GBA1: variants seen among roughly 807,000 people sequenced by gnomAD.
The protein encoded by GBA1 is lysosomal acid glucosylceramidase.
chr1:155,237,452 T>G, the GBA1 span: 1 of 1,613,972 alleles, frequency 6.2e-7, no homozygotes, highest in Non-Finnish European at 8.5e-7. Context: ...CAATGAAGTC[T>G]CGCTGATGTT....
the GBA1 span, chr1:155,235,810 C>T: frequency 3.7e-6 from 6 of 1,614,226 alleles, no homozygotes; most frequent in Non-Finnish European, 4.2e-6. Flanking sequence ...GGCAAGGTTC[C>T]AGTCGGTCCA....
At chr1:155,235,476 A>G in the GBA1 span, 2 of 1,064,380 alleles carry the variant, frequency 1.9e-6, no homozygotes, top group East Asian at 2.6e-5. Flanking sequence ...GCTTTTCTGC[A>G]TCGCAGTCCA....
chr1:155,237,728 C>T, the GBA1 span: 2 of 1,501,404 alleles, frequency 1.3e-6, no homozygotes, highest in Non-Finnish European at 9.0e-7. Flanking sequence ...CTGGCGAAAC[C>T]CCGTCTCTAC....
the GBA1 span, chr1:155,238,356 C>A: frequency 6.6e-7 from 1 of 1,526,500 alleles, no homozygotes; most frequent in African/African-American, 1.4e-5. Flanking sequence ...GGAACACATA[C>A]TAGCCCAACC....
chr1:155,236,117 C>T, the GBA1 span: 7 of 870,350 alleles, frequency 8.0e-6, no homozygotes, highest in South Asian at 8.6e-5. Flanking sequence ...AATCATGGTT[C>T]CCCAGAGTTG....
the GBA1 span, chr1:155,241,288 C>A: frequency 3.0e-5 from 20 of 667,590 alleles, no homozygotes; most frequent in African/African-American, 9.0e-5. Flanking sequence ...TGACTAGGAG[C>A]GTCACATGAC....
At chr1:155,239,633 G>T in the GBA1 span, 1 of 1,614,190 alleles carries the variant, frequency 6.2e-7, no homozygotes, top group Non-Finnish European at 8.5e-7. Flanking sequence ...AGAGAAGTAC[G>T]ATTTAAGTAG....
chr1:155,235,847 A>G, the GBA1 span: 223 of 1,614,120 alleles, frequency 1.4e-4, no homozygotes, highest in Non-Finnish European at 1.7e-4. Context: ...AGGAGGTTCT[A>G]GGGTAAGGAC....
At chr1:155,242,972 C>T in the GBA1 span, among the ~76,000 whole-genome samples, 1 of 152,166 alleles carries the variant, frequency 6.6e-6, no homozygotes, top group African/African-American at 2.4e-5. Flanking sequence ...GTTTGACTTT[C>T]AATAAATCAA....
the GBA1 span, chr1:155,237,991 C>T: frequency 2.2e-6 from 2 of 891,076 alleles, no homozygotes; most frequent in African/African-American, 1.7e-5. Flanking sequence ...ATTGACAGGC[C>T]CAAGGCTGAA....
chr1:155,239,946 G>C, the GBA1 span: 1 of 1,614,108 alleles, frequency 6.2e-7, no homozygotes, highest in Non-Finnish European at 8.5e-7. Flanking sequence ...CGCCCACTGC[G>C]TGTACTCTCA....
the GBA1 span, chr1:155,238,736 G>C: frequency 6.2e-7 from 1 of 1,606,834 alleles, no homozygotes; most frequent in East Asian, 2.2e-5. Flanking sequence ...TCCTAATAGT[G>C]TCTGAGTCAG....
chr1:155,240,425 CT>C, the GBA1 span: 1 of 634,118 alleles, frequency 1.6e-6, no homozygotes, highest in Admixed American at 2.5e-5. Context: ...AATTGCACCA[CT>C]GCACTCCAGC....
At chr1:155,237,712 A>G in the GBA1 span, 35 of 1,538,028 alleles carry the variant, frequency 2.3e-5, no homozygotes, top group Middle Eastern at 1.7e-4. Context: ...GGAGTTCGAG[A>G]ACAGCCTGGC....
At chr1:155,237,094 C>T in the GBA1 span, among the ~76,000 whole-genome samples, 1 of 151,936 alleles carries the variant, frequency 6.6e-6, no homozygotes, top group East Asian at 1.9e-4. Flanking sequence ...TGGTCTTAAA[C>T]TCCTGACCTC....
At chr1:155,240,177 C>G in the GBA1 span, 1 of 1,178,012 alleles carries the variant, frequency 8.5e-7, no homozygotes, top group South Asian at 1.3e-5. Flanking sequence ...AATTCCTCAC[C>G]CCTTGGCCGG....
chr1:155,240,198 TC>T, the GBA1 span: 1 of 860,906 alleles, frequency 1.2e-6, no homozygotes, highest in Non-Finnish European at 1.9e-6. Flanking sequence ...GCGCAGGGGC[TC>T]ACACCTGTAA....
the GBA1 span, chr1:155,244,369 C>A: frequency 1.3e-5 from 2 of 152,170 alleles, no homozygotes; most frequent in Admixed American, 1.3e-4. Flanking sequence ...CATTACACTC[C>A]AGCCTGGGCG....
chr1:155,237,563 A>G, the GBA1 span: 1 of 1,613,818 alleles, frequency 6.2e-7, no homozygotes, highest in Non-Finnish European at 8.5e-7. Context: ...TGTGCTCAGC[A>G]TAGGCATCCA....
Sources: gnomAD v4.1 joint callset for allele counts (sites outside exome capture counted in the v4.1 genomes callset) on GRCh38, gnomAD v4.1.1 for gene constraint, MANE v1.5 for transcripts, NCBI Gene and HGNC (gene_info 2026-07-23, HGNC 2026-07-21) for gene names.